ZNF564: variants seen among roughly 807,000 people sequenced by gnomAD.
ZNF564 encodes zinc finger protein 564.
A neutral mutation model predicts 10.5 loss-of-function variants in ZNF564; 5 were observed. The ratio of observed to expected loss-of-function variants is 0.48; its 90% CI spans 0.25 to 1.00. The LOEUF (loss-of-function observed/expected upper bound fraction) is 1.00. Among genes scored for constraint, ZNF564 ranks in the 50% least tolerant of loss-of-function variants. The probability of loss-of-function intolerance (pLI) is 0.16; values close to 1 mark genes in which losing one functional copy is unlikely to be tolerated. For synonymous variants in ZNF564, 242 were observed against 218.1 expected (o/e 1.11, Z -0.97); for missense variants, 603 against 669.7 (o/e 0.90, Z 1.10).
Position 12,527,048 on chromosome 19 carries a change from T to C in ZNF564, c.1060A>G (p.Thr354Ala). The change falls in exon 4 of 4, where the codon ACA becomes GCA. Residue 354 changes from threonine (T) to alanine (A), a missense_variant. Physicochemically the swap from Thr to Ala is moderately conservative, Grantham distance 58 (BLOSUM62 0). Transcript: ENST00000339282. ...TCTCCAGTGTGAGTCCTTTCATGTG[T>C]TCGAACATTACTGGAAGAACTGAAG... ...KTFSSSSNVR[T>A]HERTHTGEKP... 6.2e-7 allele frequency: 1 copy of C among 1,614,166 alleles called. No individual in the cohort carries two copies. The highest frequency in any genetic ancestry group is 8.5e-7 in the Non-Finnish European group (1 of 1,180,032).
At chr19:12,534,081 G>C (rs1276520452) in intron 1 of ZNF564, among the ~76,000 whole-genome samples, 1 of 152,082 alleles carries the variant, frequency 6.6e-6, no homozygotes, top group Non-Finnish European at 1.5e-5. Flanking sequence ...ACATCAATGA[G>C]GAACCTGCAG....
intron 1 of ZNF564, among the ~76,000 whole-genome samples, chr19:12,547,514 G>A (rs966489059): frequency 2.6e-5 from 4 of 152,136 alleles, no homozygotes; most frequent in Non-Finnish European, 2.9e-5. Flanking sequence ...AATCATGGGA[G>A]CCCATGGTTT....
At chr19:12,540,206 CA>C (rs1354512377) in intron 1 of ZNF564, among the ~76,000 whole-genome samples, 3 of 152,194 alleles carry the variant, frequency 2.0e-5, no homozygotes, top group Non-Finnish European at 4.4e-5. Flanking sequence ...TTCTAGGAAT[CA>C]TTTCAAGTGG....
chr19:12,550,522 G>T, intron 1 of ZNF564: 1 of 274,684 alleles, frequency 3.6e-6, no homozygotes, highest in South Asian at 2.6e-5. Flanking sequence ...CGGTCGTGGC[G>T]GCGCATGCCT....
rs1249210234 is a variant in ZNF564, at chr19:12,525,571, T to C, written c.*875A>G. The C allele has an allele frequency of 6.6e-6, 1 of 152,244 alleles. No homozygotes were observed. Among genetic ancestry groups the C allele is most frequent in the Non-Finnish European group, 1.5e-5 (1 of 68,048 alleles). 9.4% of individuals were successfully genotyped at this position (152,244 alleles called of 1,614,324 possible). A position where few individuals can be genotyped will look rare whatever the true frequency, so the allele number is the denominator to read the frequency against. ...TTGAGTTTGATTTGTATTTCCCTAA[T>C]GACTAAAGATGTCGAGCATTGTTAC... is the stretch of plus-strand genomic sequence containing the variant. On this transcript the variant is annotated 3_prime_UTR_variant, in exon 4 of 4. Coordinates refer to ENST00000339282, the MANE Select transcript of ZNF564 (RefSeq NM_144976.4).
chr19:12,539,899 T>G (rs990743929), intron 1 of ZNF564, among the ~76,000 whole-genome samples: 1 of 149,050 alleles, frequency 6.7e-6, no homozygotes, highest in Non-Finnish European at 1.5e-5. Context: ...GAGATTGGCG[T>G]GAATCTGGGA....
chr19:12,527,074 G>C lies in ZNF564; in HGVS notation c.1034C>G (p.Thr345Ser). ...KPYECNKCGK[T>S]FSSSSNVRTH... ...TCGAACATTACTGGAAGAACTGAAG[G>C]TTTTACCACATTTATTACATTCATA... Residue 345 changes from threonine to serine, a missense_variant, in exon 4 of 4, where the codon ACC (threonine) becomes AGC (serine). Transcript: ENST00000339282. 6.2e-7 allele frequency: 1 copy of C among 1,614,118 alleles called. No homozygotes were observed. Among genetic ancestry groups the C allele is most frequent in the Non-Finnish European group, 8.5e-7 (1 of 1,180,016 alleles).
chr19:12,526,771 T>A lies in ZNF564; in HGVS notation c.1337A>T (p.Asp446Val). The A allele has an allele frequency of 6.2e-7, 1 of 1,614,220 alleles. No homozygotes were observed. Among genetic ancestry groups the A allele is most frequent in the Non-Finnish European group, 8.5e-7 (1 of 1,180,046 alleles). ...ACATACCTGACATTTATAAGGTCCA[T>A]CTCCAGTGTGCAGTATCATATGTTT... is the stretch of plus-strand genomic sequence containing the variant. ...IRKHMILHTG[D>V]GPYKCQVCGK... Residue 446 changes from aspartate (D) to valine (V), a missense_variant, in exon 4 of 4, where the codon GAT becomes GTT. Physicochemically the swap from Asp to Val is radical, Grantham distance 152. Coordinates refer to ENST00000339282, the MANE Select transcript of ZNF564 (RefSeq NM_144976.4).
chr19:12,546,394 C>T (rs1338029629), intron 1 of ZNF564, among the ~76,000 whole-genome samples: 1 of 152,170 alleles, frequency 6.6e-6, no homozygotes, highest in Non-Finnish European at 1.5e-5. Context: ...GGGAAAAAAC[C>T]CTATTACTAA....
Position 12,527,217 on chromosome 19 carries a change from T to C in ZNF564, c.891A>G (p.Gln297=). ...GKAFISFTNF[Q]SHMIRHTGDG... ...CCCCAGTGTGCCTAATCATATGACT[T>C]TGAAAATTTGTGAAAGAAATGAAGG... The change falls in exon 4 of 4, where the codon CAA becomes CAG. Residue 297 remains glutamine (Q), a synonymous_variant. Transcript: ENST00000339282. 1 of 1,614,170 alleles carries C rather than the reference T, an allele frequency of 6.2e-7. No individual in the cohort carries two copies.
At position 12,527,899 on chromosome 19, in the gene ZNF564, C is replaced by T. The variant is rs2021722773; in HGVS notation, c.209G>A (p.Gly70Glu). Residue 70 changes from glycine to glutamate, a missense_variant, in exon 4 of 4, where the codon GGA becomes GAA. Transcript: ENST00000339282. The part of the protein sequence containing the change: ...GRILRNHMEE[G>E]LSESKEYDQC... ...ATCATATTCTTTACTTTCACTGAGTCCCTCTTCCATATGATTTCTGGAAAA... is the reference window on the plus strand; with the variant it reads ...ATCATATTCTTTACTTTCACTGAGTTCCTCTTCCATATGATTTCTGGAAAA... The T allele has an allele frequency of 6.3e-7, 1 of 1,593,600 alleles. No homozygotes were observed. Among genetic ancestry groups the T allele is most frequent in the Non-Finnish European group, 8.5e-7 (1 of 1,170,664 alleles).
In ZNF564 at chr19:12,528,199, G is replaced by C. The variant is rs751158470; in HGVS notation, c.191+105C>G. 78 of 1,160,406 alleles carry C rather than the reference G, an allele frequency of 6.7e-5. No individual in the cohort carries two copies. In the Admixed American group the frequency reaches 8.2e-4, roughly 12 times the overall value. 71.9% of individuals were successfully genotyped at this position (1,160,406 alleles called of 1,614,324 possible). On this transcript the variant is annotated intron_variant, in intron 3 of 3. Coordinates refer to ENST00000339282, the MANE Select transcript of ZNF564 (RefSeq NM_144976.4). Reference sequence around the variant, plus strand: ...TCTTTTTCTGGTGAAAAAGTTGTAGGAATAAATAAATCTGAAGCTGGGCTT... The same window carrying C: ...TCTTTTTCTGGTGAAAAAGTTGTAGCAATAAATAAATCTGAAGCTGGGCTT...
At position 12,528,385 on chromosome 19, in the gene ZNF564, A is replaced by G. The variant is rs879183641; in HGVS notation, c.131-21T>C. 5.0e-6 allele frequency: 8 copies of G among 1,600,030 alleles called. No individual in the cohort carries two copies. The South Asian group carries it at 9.0e-5, about 18-fold the overall frequency. ...TTTTCCTAAAATATAGTCAGAAAAA[A>G]TCCTTATGAACTGATAGACATTACA... On this transcript the variant is annotated intron_variant, in intron 2 of 3. Transcript: ENST00000339282.
chr19:12,543,399 G>A (rs906928210), intron 1 of ZNF564, among the ~76,000 whole-genome samples: 18 of 151,416 alleles, frequency 1.2e-4, no homozygotes, highest in Admixed American at 4.6e-4. Flanking sequence ...TGAAATAGCC[G>A]GGTGCAGTGG....
chr19:12,537,180 T>TTACA (rs1363359630), intron 1 of ZNF564, among the ~76,000 whole-genome samples: 2 of 152,192 alleles, frequency 1.3e-5, no homozygotes, highest in Non-Finnish European at 2.9e-5. Flanking sequence ...TGGATGGATA[T>TTACA]TACACATTTT....
chr19:12,528,739 G>A lies in ZNF564; in HGVS notation c.4-43C>T, dbSNP rs541633520. 1.2e-5 allele frequency: 19 copies of A among 1,589,106 alleles called. No individual in the cohort carries two copies. The East Asian group carries it at 4.0e-4, about 34-fold the overall frequency. ...TGCAATGCAGGAGGAAGAATGAGAT[G>A]ACAGTACAGGGATGTAAACCCAATT... On this transcript the variant is annotated intron_variant, in intron 1 of 3. Coordinates refer to ENST00000339282, the MANE Select transcript of ZNF564 (RefSeq NM_144976.4).
At chr19:12,529,551 A>G (rs886542093) in intron 1 of ZNF564, among the ~76,000 whole-genome samples, 1 of 151,992 alleles carries the variant, frequency 6.6e-6, no homozygotes, top group Non-Finnish European at 1.5e-5. Context: ...GGTTGCAGTG[A>G]GCTGAGATCA....
intron 1 of ZNF564, among the ~76,000 whole-genome samples, chr19:12,547,810 A>G (rs910971462): frequency 4.9e-5 from 7 of 142,308 alleles, no homozygotes; most frequent in African/African-American, 1.6e-4. Flanking sequence ...ATATTCACTT[A>G]CTTTTTTTTT....
chr19:12,539,954 C>T (rs1354443970), intron 1 of ZNF564, among the ~76,000 whole-genome samples: 1 of 149,994 alleles, frequency 6.7e-6, no homozygotes, highest in African/African-American at 2.5e-5. Context: ...GCACTCCAGC[C>T]TGGGTAACAG....
Sources: gnomAD v4.1 joint callset for allele counts (sites outside exome capture counted in the v4.1 genomes callset) on GRCh38, gnomAD v4.1.1 for gene constraint, MANE v1.5 for transcripts, NCBI Gene and HGNC (gene_info 2026-07-23, HGNC 2026-07-21) for gene names.